DECR1: variants seen among roughly 807,000 people sequenced by gnomAD.
DECR1 encodes 2,4-dienoyl-CoA reductase [(3E)-enoyl-CoA-producing], mitochondrial.
DECR1 carries 44 observed loss-of-function variants against 38.8 expected under a neutral mutation model. That is an observed-to-expected ratio of 1.13 (90% CI 0.89 to 1.46). The LOEUF is 1.46. Among genes scored for constraint, DECR1 ranks in the 40% most tolerant of loss-of-function variants. The pLI is 0.00. For missense variants in DECR1, 428 were observed against 405.5 expected, an observed-to-expected ratio of 1.06 and a Z score of -0.48; for synonymous variants, 148 against 135.2, an observed-to-expected ratio of 1.09 and a Z score of -0.66.
At position 90,027,854 on chromosome 8, in the gene DECR1, G is replaced by T. The variant is rs145704898; in HGVS notation, c.565+6798G>T. 2.3e-3 allele frequency among the ~76,000 whole-genome samples: 355 copies of T among 151,852 alleles called. 1 individual carries two copies. Among genetic ancestry groups the T allele is most frequent in the Admixed American group, 4.6e-3 (70 of 15,236 alleles). On this transcript the variant is annotated intron_variant, in intron 5 of 9. Coordinates refer to ENST00000220764, the MANE Select transcript of DECR1 (RefSeq NM_001359.2). ...TTTATTGAGATGGGTATATTTTTAA[G>T]CCTGTTAATATGGTGAATTACATTA...
At chr8:90,010,830 A>C (rs1812866164) in intron 1 of DECR1, among the ~76,000 whole-genome samples, 1 of 152,202 alleles carries the variant, frequency 6.6e-6, no homozygotes. Flanking sequence ...AGTAAGGTAT[A>C]TGTCCTTATC....
At chr8:90,019,254 A>G (rs1345201043) in intron 4 of DECR1, 82 bp downstream of exon 4, 6 of 1,166,056 alleles carry the variant, frequency 5.1e-6, no homozygotes, top group Non-Finnish European at 7.6e-6. Flanking sequence ...GAAATAAAAT[A>G]TTGATACTGA....
At chr8:90,028,563 T>C (rs1374965801) in intron 5 of DECR1, among the ~76,000 whole-genome samples, 1 of 152,100 alleles carries the variant, frequency 6.6e-6, no homozygotes, top group Non-Finnish European at 1.5e-5. Flanking sequence ...CCACAAGTTG[T>C]ATATTAAATA....
intron 7 of DECR1, among the ~76,000 whole-genome samples, chr8:90,043,279 T>C (rs917278843): frequency 6.6e-6 from 1 of 152,184 alleles, no homozygotes; most frequent in Non-Finnish European, 1.5e-5. Flanking sequence ...TTGTGCCCTT[T>C]CACTCTCAGT....
intron 1 of DECR1, 62 bp downstream of exon 1, chr8:90,001,623 CAG>C: frequency 6.8e-7 from 1 of 1,476,370 alleles, no homozygotes. Flanking sequence ...AGAGAGAGGA[CAG>C]GGCGTCACGG....
At chr8:90,020,249 A>G (rs1813118571) in intron 4 of DECR1, among the ~76,000 whole-genome samples, 1 of 152,226 alleles carries the variant, frequency 6.6e-6, no homozygotes, top group Non-Finnish European at 1.5e-5. Context: ...TAGATCATCA[A>G]CCACAAGCTG....
chr8:90,025,672 A>G (rs955801992), intron 5 of DECR1, among the ~76,000 whole-genome samples: 2 of 152,070 alleles, frequency 1.3e-5, no homozygotes, highest in Non-Finnish European at 2.9e-5. Context: ...TGCAAACAGG[A>G]ACAATTTGAC....
intron 1 of DECR1, chr8:90,005,517 T>C (rs1805806): frequency 0.46 from 204,459 of 443,008 alleles, 51,629 homozygotes; most frequent in African/African-American, 0.77. Context: ...AAGCTGGGCC[T>C]ATCAGCTGGA....
chr8:90,024,416 GGT>G (rs1381043234), intron 5 of DECR1, among the ~76,000 whole-genome samples: 1 of 152,202 alleles, frequency 6.6e-6, no homozygotes, highest in Non-Finnish European at 1.5e-5. Context: ...CATTCTAACT[GGT>G]GTGAGATGGT....
At chr8:90,032,907 C>T (rs971715183) in intron 5 of DECR1, among the ~76,000 whole-genome samples, 11 of 152,058 alleles carry the variant, frequency 7.2e-5, no homozygotes, top group South Asian at 2.1e-4. Flanking sequence ...TGCATGAGAG[C>T]GGAAGAGTAA....
At chr8:90,046,651 C>T (rs529093430) in intron 8 of DECR1, among the ~76,000 whole-genome samples, 11 of 152,222 alleles carry the variant, frequency 7.2e-5, no homozygotes, top group African/African-American at 1.4e-4. Flanking sequence ...AACCTACCAA[C>T]GCAGGCCAAC....
At chr8:90,024,312 G>T (rs899996227) in intron 5 of DECR1, among the ~76,000 whole-genome samples, 23 of 152,284 alleles carry the variant, frequency 1.5e-4, no homozygotes, top group Non-Finnish European at 2.2e-4. Context: ...CACAATGGTT[G>T]AACTAGTTTA....
At chr8:90,030,994 G>A (rs773091090) in intron 5 of DECR1, among the ~76,000 whole-genome samples, 1 of 152,074 alleles carries the variant, frequency 6.6e-6, no homozygotes, top group Non-Finnish European at 1.5e-5. Flanking sequence ...AAGGTAAAGC[G>A]ATTTGAGAAT....
intron 5 of DECR1, chr8:90,029,367 A>C (rs189380025): frequency 3.0e-4 from 46 of 152,304 alleles, no homozygotes; most frequent in African/African-American, 1.0e-3. Context: ...AACTTTTAAG[A>C]ACCTCAGAGA....
At chr8:90,032,525 T>C (rs1201040185) in intron 5 of DECR1, among the ~76,000 whole-genome samples, 9 of 152,200 alleles carry the variant, frequency 5.9e-5, no homozygotes, top group Admixed American at 5.9e-4. Context: ...TCTTCAAAGT[T>C]ATTTTGCCAA....
chr8:90,021,084 A>G, intron 5 of DECR1, 28 bp downstream of exon 5: 2 of 1,539,112 alleles, frequency 1.3e-6, no homozygotes, highest in African/African-American at 1.4e-5. Flanking sequence ...TCTCATATTT[A>G]TTTGGCTTCT....
intron 2 of DECR1, 121 bp from the exon 3 acceptor site, chr8:90,018,788 T>C: frequency 2.6e-6 from 2 of 774,716 alleles, no homozygotes; most frequent in Admixed American, 2.5e-5. Context: ...TTGATTTTTG[T>C]ATATAAATAA....
rs1179056790 is a variant in DECR1, at chr8:90,053,505, C to G, written c.*1608C>G. On this transcript the variant is annotated 3_prime_UTR_variant, in exon 10 of 10. Transcript: ENST00000220764. ...TCCAAACCCACCTTCCCACCCACCT[C>G]TCACCAAACACACAAAGACACACTC... Among the ~76,000 whole-genome samples the G allele has an allele frequency of 6.6e-6, 1 of 151,682 alleles. No homozygotes were observed. The highest frequency in any genetic ancestry group is 2.4e-5 in the African/African-American group (1 of 41,360).
intron 8 of DECR1, among the ~76,000 whole-genome samples, chr8:90,046,998 C>T (rs1166507586): frequency 6.6e-6 from 1 of 152,086 alleles, no homozygotes; most frequent in African/African-American, 2.4e-5. Flanking sequence ...ATTTTGTCAC[C>T]ACCAGGCCTG....
Sources: gnomAD v4.1 joint callset for allele counts (sites outside exome capture counted in the v4.1 genomes callset) on GRCh38, gnomAD v4.1.1 for gene constraint, MANE v1.5 for transcripts, NCBI Gene and HGNC (gene_info 2026-07-23, HGNC 2026-07-21) for gene names.